The following PRKD1 variants were observed in gnomAD, a reference collection of about 807,000 sequenced individuals.
PRKD1 encodes protein kinase D1, also known as serine/threonine-protein kinase D1.
A neutral mutation model predicts 95.9 loss-of-function variants in PRKD1; 63 were observed. That is an observed-to-expected ratio of 0.66 (90% CI 0.54 to 0.81). The LOEUF is 0.81. Among genes scored for constraint, PRKD1 ranks in the 30% least tolerant of loss-of-function variants. The pLI, the probability that PRKD1 is intolerant of heterozygous loss-of-function variation, is 0.00. For missense variants in PRKD1, 1,048 were observed against 1,165.3 expected (o/e 0.90, Z 1.47); for synonymous variants, 425 against 423.1 (o/e 1.00, Z -0.05).
At chr14:29,745,977 G>T in intron 1 of PRKD1, among the ~76,000 whole-genome samples, 1 of 152,184 alleles carries the variant, frequency 6.6e-6, no homozygotes, top group Non-Finnish European at 1.5e-5. Flanking sequence ...GGGACGGTCC[G>T]TTCCCCTTTG....
intron 2 of PRKD1, among the ~76,000 whole-genome samples, chr14:29,720,791 AT>A (rs1426938561): frequency 6.6e-6 from 1 of 151,416 alleles, no homozygotes. Flanking sequence ...AAAAAAATAA[AT>A]AAATAAATAA....
chr14:29,799,854 C>G (rs1330381697), intron 1 of PRKD1, among the ~76,000 whole-genome samples: 4 of 152,212 alleles, frequency 2.6e-5, no homozygotes. Context: ...ACACTGCCTT[C>G]TTGTTTCAGT....
At chr14:29,726,924 T>C (rs1216034028) in intron 1 of PRKD1, among the ~76,000 whole-genome samples, 1 of 152,176 alleles carries the variant, frequency 6.6e-6, no homozygotes, top group Non-Finnish European at 1.5e-5. Flanking sequence ...AGTAATGGGA[T>C]GGCTGGGTCA....
At chr14:29,596,238 C>T (rs1893298380) in intron 16 of PRKD1, among the ~76,000 whole-genome samples, 1 of 152,128 alleles carries the variant, frequency 6.6e-6, no homozygotes, top group Non-Finnish European at 1.5e-5. Context: ...CATTTCTATA[C>T]CAACATATGC....
chr14:29,749,733 G>A (rs1309857574), intron 1 of PRKD1, among the ~76,000 whole-genome samples: 3 of 151,992 alleles, frequency 2.0e-5, no homozygotes, highest in Non-Finnish European at 4.4e-5. Flanking sequence ...AGTAACCATT[G>A]TTTTCATAAT....
At chr14:29,753,717 C>T (rs1887577477) in intron 1 of PRKD1, among the ~76,000 whole-genome samples, 1 of 152,084 alleles carries the variant, frequency 6.6e-6, no homozygotes, top group South Asian at 2.1e-4. Flanking sequence ...TGCAACATAC[C>T]ACTTTGTTCC....
At chr14:29,605,639 T>A (rs148765336) in intron 13 of PRKD1, among the ~76,000 whole-genome samples, 1 of 152,198 alleles carries the variant, frequency 6.6e-6, no homozygotes, top group Non-Finnish European at 1.5e-5. Flanking sequence ...ATTTGTCTTA[T>A]TTACAAGGCT....
intron 13 of PRKD1, among the ~76,000 whole-genome samples, chr14:29,613,110 C>T (rs1487254443): frequency 6.7e-6 from 1 of 150,090 alleles, no homozygotes; most frequent in Admixed American, 6.6e-5. Flanking sequence ...AAAAAAAATT[C>T]TTCATGTAAT....
intron 1 of PRKD1, among the ~76,000 whole-genome samples, chr14:29,801,326 T>G (rs770663514): frequency 5.3e-5 from 8 of 152,196 alleles, no homozygotes; most frequent in Non-Finnish European, 8.8e-5. Context: ...CAAAAAACCT[T>G]CACAGCAACA....
At chr14:29,853,787 T>C (rs1020462668) in intron 1 of PRKD1, among the ~76,000 whole-genome samples, 3 of 152,170 alleles carry the variant, frequency 2.0e-5, no homozygotes, top group Non-Finnish European at 4.4e-5. Context: ...TGGGAGATGG[T>C]TGAATCATGG....
At chr14:29,858,841 G>C (rs1369597107) in intron 1 of PRKD1, among the ~76,000 whole-genome samples, 2 of 151,138 alleles carry the variant, frequency 1.3e-5, no homozygotes, top group African/African-American at 2.5e-5. Context: ...AAAAAACTCT[G>C]CTATTTAGAA....
At chr14:29,639,613 C>G (rs1341523845) in intron 4 of PRKD1, among the ~76,000 whole-genome samples, 2 of 149,444 alleles carry the variant, frequency 1.3e-5, no homozygotes, top group African/African-American at 2.5e-5. Context: ...GAGTGAAACT[C>G]CATCTCAAAA....
Position 29,577,218 on chromosome 14 carries a change from CAGATTATAGG to C in PRKD1, c.*10_*19del. 1.3e-6 allele frequency: 2 copies of C among 1,597,290 alleles called. No individual in the cohort carries two copies. Among genetic ancestry groups the C allele is most frequent in the Non-Finnish European group, 1.7e-6 (2 of 1,165,994 alleles). ...ATTTATTAGTTCCACAGTGTTTTGACAGATTATAGGAGATGGAACTCAGAGGATGCTGACA... is the reference window on the plus strand; with the variant it reads ...ATTTATTAGTTCCACAGTGTTTTGACAGATGGAACTCAGAGGATGCTGACA... On this transcript the variant is annotated 3_prime_UTR_variant, in exon 18 of 18. Transcript: ENST00000331968.
intron 4 of PRKD1, among the ~76,000 whole-genome samples, chr14:29,642,603 T>G (rs891589861): frequency 1.3e-5 from 2 of 152,190 alleles, no homozygotes; most frequent in Admixed American, 1.3e-4. Flanking sequence ...ATATATCAAG[T>G]TTATAAGTTA....
chr14:29,720,229 T>C (rs940529652), intron 2 of PRKD1, among the ~76,000 whole-genome samples: 1 of 152,136 alleles, frequency 6.6e-6, no homozygotes, highest in Non-Finnish European at 1.5e-5. Context: ...CCTTACAATA[T>C]AGGTGCTAGG....
At chr14:29,715,342 T>C (rs1232693886) in intron 2 of PRKD1, among the ~76,000 whole-genome samples, 1 of 151,984 alleles carries the variant, frequency 6.6e-6, no homozygotes, top group Non-Finnish European at 1.5e-5. Context: ...AAATGTTCTA[T>C]ATCAATATGG....
intron 3 of PRKD1, 55 bp from the exon 4 acceptor site, chr14:29,663,914 C>A: frequency 2.0e-6 from 3 of 1,531,264 alleles, no homozygotes; most frequent in Non-Finnish European, 2.7e-6. Context: ...AAAAGTGATT[C>A]CAATATTAGT....
At chr14:29,582,237 A>G (rs190087503) in intron 16 of PRKD1, among the ~76,000 whole-genome samples, 2 of 152,304 alleles carry the variant, frequency 1.3e-5, no homozygotes, top group East Asian at 3.9e-4. Flanking sequence ...CTATTTAATC[A>G]TTCATTCATT....
chr14:29,837,210 T>A (rs556640764), intron 1 of PRKD1, among the ~76,000 whole-genome samples: 3 of 152,242 alleles, frequency 2.0e-5, no homozygotes, highest in East Asian at 3.9e-4. Context: ...GTGTTTTTTT[T>A]AAAGAATTCA....
Sources: allele counts gnomAD v4.1 joint callset (sites outside exome capture counted in the v4.1 genomes callset), GRCh38; gene constraint gnomAD v4.1.1; transcripts MANE v1.5; gene names NCBI Gene and HGNC (gene_info 2026-07-23, HGNC 2026-07-21).